VPS13C: variants seen among roughly 807,000 people sequenced by gnomAD.
VPS13C encodes intermembrane lipid transfer protein VPS13C.
VPS13C carries 358 observed loss-of-function variants against 456.8 expected under a neutral mutation model. The ratio of observed to expected loss-of-function variants is 0.78; its 90% confidence interval spans 0.72 to 0.86. The LOEUF (loss-of-function observed/expected upper bound fraction) is 0.86, where lower values mean the gene tolerates loss of function less well. Ranked by LOEUF, VPS13C falls within the 40% of genes least tolerant of loss-of-function variation. VPS13C has a pLI of 0.00. For missense variants in VPS13C, 4,818 were observed against 4,385.4 expected (o/e 1.10, Z -2.79); for synonymous variants, 1,578 against 1,486.7 (o/e 1.06, Z -1.41).
At chr15:61,938,392 T>C (rs2044299669) in intron 47 of VPS13C, among the ~76,000 whole-genome samples, 5 of 152,282 alleles carry the variant, frequency 3.3e-5, no homozygotes, top group African/African-American at 1.2e-4. Context: ...CTTTTTTAGC[T>C]GCAGCCCAGA....
Position 61,890,262 on chromosome 15 carries a change from G to A in VPS13C, c.9244C>T (p.Gln3082Ter), listed in dbSNP as rs748501827. 2 of 1,613,976 alleles carry A rather than the reference G, an allele frequency of 1.2e-6. No homozygotes were observed. Among genetic ancestry groups the A allele is most frequent in the Non-Finnish European group, 1.7e-6 (2 of 1,180,028 alleles). Reference protein sequence around the residue: ...SKALQAEEMEQADYEITLSLH... With the variant: ...SKALQAEEME ...GACAAGGTTATTTCATAATCAGCCT[G>A]TTCCATTTCTTCTGCCTGCAGTGCT... The change falls in exon 67 of 85, where the codon CAG becomes TAG. Residue 3082 changes from glutamine to a stop codon, truncating the protein, a stop_gained. Transcript: ENST00000644861. LOFTEE classifies it high-confidence loss of function.
At chr15:61,953,218 T>C (rs2044864564) in intron 38 of VPS13C, among the ~76,000 whole-genome samples, 1 of 151,712 alleles carries the variant, frequency 6.6e-6, no homozygotes, top group South Asian at 2.1e-4. Flanking sequence ...TCTCAGACAA[T>C]TTTTTTTAAT....
At chr15:62,013,874 A>G in intron 10 of VPS13C, 59 bp downstream of exon 10, 1 of 1,300,892 alleles carries the variant, frequency 7.7e-7, no homozygotes. Flanking sequence ...ATGTTTCTTC[A>G]AGAAAATAAA....
chr15:62,000,220 G>T (rs2140456389), intron 16 of VPS13C, among the ~76,000 whole-genome samples: 1 of 152,136 alleles, frequency 6.6e-6, no homozygotes, highest in South Asian at 2.1e-4. Flanking sequence ...AAAAAAATTA[G>T]CCGGGCGTGG....
chr15:62,052,035 TAAG>T (rs1183888159), intron 1 of VPS13C, among the ~76,000 whole-genome samples: 1 of 152,172 alleles, frequency 6.6e-6, no homozygotes, highest in Non-Finnish European at 1.5e-5. Flanking sequence ...GTGGCAGTAC[TAAG>T]AATAGAATCT....
intron 16 of VPS13C, among the ~76,000 whole-genome samples, chr15:61,996,288 G>A (rs907797194): frequency 6.6e-6 from 1 of 152,052 alleles, no homozygotes; most frequent in Admixed American, 6.6e-5. Context: ...CATACCAAAG[G>A]TTTAAAGAGC....
chr15:62,012,199 A>T, intron 11 of VPS13C, 35 bp from the exon 12 acceptor site: 1 of 1,235,672 alleles, frequency 8.1e-7, no homozygotes, highest in Non-Finnish European at 1.2e-6. Context: ...TGAAAAAGAA[A>T]ATGCACACAT....
In VPS13C at chr15:61,880,910, T is replaced by G. The variant is rs141932093; in HGVS notation, c.9821A>C (p.Gln3274Pro). 1 of 1,610,486 alleles carries G rather than the reference T, an allele frequency of 6.2e-7. No homozygotes were observed. Among genetic ancestry groups the G allele is most frequent in the African/African-American group, 1.3e-5 (1 of 74,870 alleles). The change falls in exon 72 of 85, where the codon CAA (glutamine) becomes CCA (proline). Residue 3274 changes from glutamine to proline, a missense_variant. By Grantham distance (76) the Gln-to-Pro change is moderately conservative. This residue lies in a region of VPS13C where 4,552 missense variants were observed against 4,130.6 expected (regional missense o/e 1.10). Transcript: ENST00000644861. Reference protein sequence around the residue: ...LIQEMALKIDQGFLGAIIALF... With the variant: ...LIQEMALKIDPGFLGAIIALF... ...TGCAATAATAGCTCCTAGAAACCCT[T>G]GATCAATTTTTAAGGCCATTTCCTG...
At position 62,060,282 on chromosome 15, in the gene VPS13C, G is replaced by C. The variant is rs1205988429; in HGVS notation, c.93C>G (p.Ile31Met). The C allele has an allele frequency of 6.2e-7, 1 of 1,604,828 alleles. No individual in the cohort carries two copies. Among genetic ancestry groups the C allele is most frequent in the Non-Finnish European group, 8.5e-7 (1 of 1,176,302 alleles). The stretch of plus-strand genomic sequence containing the variant: ...CCGCGCCCTCTCGCTTACCGCCCCA[G>C]ATGCCCAGCTTCAGCTGGGACTTGT... ...NLNKSQLKLG[I>M]WGGNVALDNL... The change falls in exon 1 of 85, where the codon ATC becomes ATG. Residue 31 changes from isoleucine to methionine, a missense_variant. Around this residue, in one of 3 missense-constraint regions of VPS13C, gnomAD observed 4,552 missense variants for 4,130.6 expected, o/e 1.10. Transcript: ENST00000644861.
chr15:61,915,466 A>G (rs1366993496), intron 61 of VPS13C, among the ~76,000 whole-genome samples, 167 bp downstream of exon 61: 2 of 152,210 alleles, frequency 1.3e-5, no homozygotes, highest in Admixed American at 6.5e-5. Context: ...CAGGAAACCT[A>G]TTAGTTCCTA....
At chr15:61,974,228 T>A in intron 25 of VPS13C, 60 bp downstream of exon 25, 2 of 1,468,296 alleles carry the variant, frequency 1.4e-6, no homozygotes, top group Non-Finnish European at 1.8e-6. Context: ...TGAAACTGAC[T>A]TTTCATCACT....
intron 15 of VPS13C, among the ~76,000 whole-genome samples, chr15:62,003,285 T>G (rs187432044): frequency 0.059 from 8,949 of 150,936 alleles, 509 homozygotes; most frequent in East Asian, 0.2. Flanking sequence ...GAATCAATTG[T>G]GAATGGGAAT....
In VPS13C at chr15:61,959,317, T is replaced by C; in HGVS notation, c.4056+131A>G. 4 of 728,604 alleles carry C rather than the reference T, an allele frequency of 5.5e-6. No homozygotes were observed. In the South Asian group the frequency reaches 1.3e-4, roughly 23 times the overall value. The allele number at this position is 728,604 out of a possible 1,614,324, so 45.1% of individuals were successfully genotyped here. A position where few individuals can be genotyped will look rare whatever the true frequency, so the allele number is the denominator to read the frequency against. On this transcript the variant is annotated intron_variant, in intron 36 of 84. Coordinates refer to ENST00000644861, the MANE Select transcript of VPS13C (RefSeq NM_020821.3). ...CTACTGAAAATAATAATGATCTTGT[T>C]GGACAAAGTCTCACTGAAATTTCTC...
At chr15:62,017,602 G>C (rs2047304075) in intron 9 of VPS13C, among the ~76,000 whole-genome samples, 1 of 152,166 alleles carries the variant, frequency 6.6e-6, no homozygotes, top group Admixed American at 6.6e-5. Flanking sequence ...TTGTAGATGT[G>C]TGGTATTATT....
chr15:61,993,486 CAA>C (rs1416877127), intron 16 of VPS13C, among the ~76,000 whole-genome samples: 1 of 151,914 alleles, frequency 6.6e-6, no homozygotes, highest in Admixed American at 6.6e-5. Context: ...AACTTCCTCC[CAA>C]GTCTCTACCT....
chr15:61,904,130 T>C (rs555985629), intron 66 of VPS13C, among the ~76,000 whole-genome samples: 60 of 151,942 alleles, frequency 3.9e-4, no homozygotes, highest in Admixed American at 1.9e-3. Context: ...AACAAACATA[T>C]AGGATTACAT....
intron 27 of VPS13C, among the ~76,000 whole-genome samples, 191 bp from the exon 28 acceptor site, chr15:61,969,643 T>C (rs1434630233): frequency 2.6e-5 from 4 of 152,260 alleles, no homozygotes; most frequent in East Asian, 1.9e-4. Flanking sequence ...TATAAATACA[T>C]TTATAAAAAA....
intron 52 of VPS13C, 22 bp downstream of exon 52, chr15:61,927,069 T>G (rs1343443879): frequency 2.5e-6 from 4 of 1,603,006 alleles, no homozygotes; most frequent in African/African-American, 2.7e-5. Context: ...AACCCAAGAT[T>G]AGGACACAAG....
rs543463586 is a variant in VPS13C, at chr15:61,922,284, T to C, written c.6975+113A>G. The C allele has an allele frequency of 8.4e-6, 11 of 1,307,486 alleles. No homozygotes were observed. In the African/African-American group the frequency reaches 1.6e-4, roughly 19 times the overall value. The allele number at this position is 1,307,486 out of a possible 1,614,324, so 81.0% of individuals were successfully genotyped here. A position where few individuals can be genotyped will look rare whatever the true frequency, so the allele number is the denominator to read the frequency against. On this transcript the variant is annotated intron_variant, in intron 54 of 84. Transcript: ENST00000644861. ...ACAAATTAAATGTCAGAACACACTA[T>C]CTATTCACATATGTACTCATAGTGG...
Sources: allele counts gnomAD v4.1 joint callset (sites outside exome capture counted in the v4.1 genomes callset), GRCh38; gene constraint gnomAD v4.1.1; regional missense constraint gnomAD v4.1.1; transcripts MANE v1.5; gene names NCBI Gene and HGNC (gene_info 2026-07-23, HGNC 2026-07-21).